The following NAF1 variants were observed in gnomAD, a reference collection of about 807,000 sequenced individuals.
NAF1 encodes H/ACA ribonucleoprotein complex non-core subunit NAF1.
NAF1 carries 11 observed loss-of-function variants against 40.6 expected under a neutral mutation model. That is an observed-to-expected ratio of 0.27 (90% confidence interval 0.17 to 0.45). The LOEUF (loss-of-function observed/expected upper bound fraction) is 0.45. Among genes scored for constraint, NAF1 ranks in the 20% least tolerant of loss-of-function variants. The pLI is 1.00. For missense variants in NAF1, 607 were observed against 611.1 expected (o/e 0.99, Z 0.07); for synonymous variants, 260 against 228.5 (o/e 1.14, Z -1.24).
At chr4:163,161,508 T>A (rs573168650) in intron 2 of NAF1, among the ~76,000 whole-genome samples, 2 of 151,038 alleles carry the variant, frequency 1.3e-5, no homozygotes, top group Non-Finnish European at 3.0e-5. Flanking sequence ...AACAAATCTA[T>A]AGATAAACAG....
At chr4:163,136,148 G>A (rs947449791) in intron 6 of NAF1, 17 of 151,794 alleles carry the variant, frequency 1.1e-4, no homozygotes, top group African/African-American at 3.6e-4. Flanking sequence ...ATCTAAAATG[G>A]CCAAGGTTAA....
chr4:163,128,137 A>G (rs143500660), downstream of NAF1, among the ~76,000 whole-genome samples: 14 of 152,342 alleles, frequency 9.2e-5, no homozygotes, highest in African/African-American at 3.4e-4. Context: ...CAGATATTCA[A>G]TAACTATTTG....
intron 2 of NAF1, among the ~76,000 whole-genome samples, chr4:163,120,944 T>C (rs1730502188): frequency 6.6e-6 from 1 of 152,124 alleles, no homozygotes; most frequent in Non-Finnish European, 1.5e-5. Flanking sequence ...CAGGCTAGAG[T>C]GTAGTGGAGC....
At chr4:163,121,111 G>A (rs188359344) in intron 2 of NAF1, among the ~76,000 whole-genome samples, 94 of 152,106 alleles carry the variant, frequency 6.2e-4, no homozygotes, top group Middle Eastern at 3.4e-3. Context: ...GGCTGGTCTC[G>A]AACTCCTGAC....
chr4:163,116,952 A>G (rs1335688413), intron 2 of NAF1, among the ~76,000 whole-genome samples: 1 of 152,136 alleles, frequency 6.6e-6, no homozygotes, highest in African/African-American at 2.4e-5. Flanking sequence ...CCAGGATAAA[A>G]TCCAAACTCC....
intron 6 of NAF1, among the ~76,000 whole-genome samples, chr4:163,134,333 G>A (rs1730978247): frequency 6.6e-6 from 1 of 152,016 alleles, no homozygotes; most frequent in South Asian, 2.1e-4. Flanking sequence ...TTTTCAGTAT[G>A]GCTTCACTGG....
downstream of NAF1, among the ~76,000 whole-genome samples, chr4:163,122,554 C>T (rs989233320): frequency 1.3e-5 from 2 of 152,168 alleles, no homozygotes; most frequent in East Asian, 1.9e-4. Flanking sequence ...GAAACTGATA[C>T]ATTTTGGAAT....
At chr4:163,133,453 C>T in intron 6 of NAF1, 197 bp from the exon 7 acceptor site, 2 of 508,344 alleles carry the variant, frequency 3.9e-6, no homozygotes, top group Non-Finnish European at 7.0e-6. Flanking sequence ...TGCTTAATGA[C>T]TTTAATTAAC....
intron 4 of NAF1, chr4:163,144,003 G>T: frequency 1.0e-6 from 1 of 974,062 alleles, no homozygotes; most frequent in Non-Finnish European, 1.2e-6. Flanking sequence ...AACTGAGGGG[G>T]TGGGGAACAA....
chr4:163,133,302 C>T (rs1283638468), intron 6 of NAF1, 46 bp from the exon 7 acceptor site: 1 of 1,450,906 alleles, frequency 6.9e-7, no homozygotes, highest in African/African-American at 1.4e-5. Context: ...ATGAATTTGC[C>T]AATTCAATAG....
chr4:163,153,444 G>A (rs1299290822), intron 2 of NAF1, among the ~76,000 whole-genome samples: 1 of 152,162 alleles, frequency 6.6e-6, no homozygotes, highest in African/African-American at 2.4e-5. Context: ...CTGCTCTGGT[G>A]GGGCCTTGGA....
downstream of NAF1, among the ~76,000 whole-genome samples, chr4:163,126,254 A>T (rs1730652786): frequency 6.6e-6 from 1 of 152,240 alleles, no homozygotes; most frequent in Non-Finnish European, 1.5e-5. Flanking sequence ...GGATTTGGGC[A>T]AAGTAAACTG....
At chr4:163,114,601 T>C (rs1385917495) in intron 2 of NAF1, among the ~76,000 whole-genome samples, 1 of 152,206 alleles carries the variant, frequency 6.6e-6, no homozygotes, top group African/African-American at 2.4e-5. Context: ...CTTCTTTTTA[T>C]ATTTGCTGTT....
downstream of NAF1, among the ~76,000 whole-genome samples, chr4:163,107,843 C>A (rs77208955): frequency 9.1e-4 from 139 of 152,262 alleles, no homozygotes; most frequent in African/African-American, 3.1e-3. Flanking sequence ...TATGCTGTAT[C>A]TGTAATTACT....
In NAF1 at chr4:163,115,199, A is replaced by ATTTTTTT. The variant is rs201172406; in HGVS notation, c.115-4916_115-4910dup. Among the ~76,000 whole-genome samples the ATTTTTTT allele has an allele frequency of 3.0e-4, 31 of 103,714 alleles. 2 individuals are homozygous for ATTTTTTT. The highest frequency in any genetic ancestry group is 6.2e-4 in the African/African-American group (16 of 25,784). The allele number at this position is 103,714 out of a possible 152,430, so 68.0% of individuals were successfully genotyped here. ...ATACTATTGGCGATATAGGACAATAATTTTTTTATTTATTTTTTTTTTTTT... is the reference window on the plus strand; with the variant it reads ...ATACTATTGGCGATATAGGACAATAATTTTTTTTTTTTTTATTTATTTTTTTTTTTTT... On this transcript the variant is annotated intron_variant, in intron 2 of 2. Coordinates refer to the NAF1 transcript ENST00000509434.
intron 2 of NAF1, among the ~76,000 whole-genome samples, chr4:163,150,903 C>G (rs1434801402): frequency 6.6e-6 from 1 of 152,074 alleles, no homozygotes; most frequent in Non-Finnish European, 1.5e-5. Flanking sequence ...GATTTCCCCA[C>G]AACCTTGCCA....
intron 5 of NAF1, 56 bp from the exon 6 acceptor site, chr4:163,137,306 C>T (rs1560790208): frequency 3.9e-6 from 6 of 1,546,350 alleles, no homozygotes; most frequent in Admixed American, 4.1e-5. Context: ...CTATTAAGTG[C>T]TCATAACTTA....
intron 2 of NAF1, among the ~76,000 whole-genome samples, chr4:163,116,730 C>T (rs1031505569): frequency 1.3e-5 from 2 of 152,180 alleles, no homozygotes; most frequent in African/African-American, 2.4e-5. Context: ...CTTCACTTTT[C>T]TTCCTTATAA....
Position 163,137,248 on chromosome 4 carries a change from T to A in NAF1, c.881A>T (p.Asp294Val), listed in dbSNP as rs747682816. Residue 294 changes from aspartate (D) to valine (V), a missense_variant and splice_region_variant, in exon 6 of 8, where the codon GAT becomes GTT. Asp to Val is a radical substitution (Grantham distance 152, BLOSUM62 -3). Coordinates refer to ENST00000274054, the MANE Select transcript of NAF1 (RefSeq NM_138386.3). ...CTTCCATGATGCATCTGATCCCTTA[T>A]CCCTGAGTGGGGTGGGGATGGGAGT... ...QYIFTEKLKQ[D>V]KGSDASWKND... 3.7e-6 allele frequency: 6 copies of A among 1,607,986 alleles called. No individual in the cohort carries two copies. The Admixed American group carries it at 8.4e-5, about 23-fold the overall frequency.
Sources: gnomAD v4.1 joint callset for allele counts (sites outside exome capture counted in the v4.1 genomes callset) on GRCh38, gnomAD v4.1.1 for gene constraint, MANE v1.5 for transcripts, NCBI Gene and HGNC (gene_info 2026-07-23, HGNC 2026-07-21) for gene names.